Variants in KCNIP1 observed in about 807,000 individuals in gnomAD.
KCNIP1 encodes the protein A-type potassium channel modulatory protein KCNIP1.
KCNIP1 carries 18 observed loss-of-function variants against 33.0 expected under a neutral mutation model. The observed-to-expected ratio is 0.55, with a 90% CI of 0.38 to 0.81. The LOEUF (loss-of-function observed/expected upper bound fraction) is 0.81, where lower values mean the gene tolerates loss of function less well. KCNIP1 is among the 30% of genes least tolerant of loss of function. The pLI, the probability that KCNIP1 is intolerant of heterozygous loss-of-function variation, is 0.00. For missense variants in KCNIP1, 238 were observed against 271.6 expected (o/e 0.88, Z 0.87); for synonymous variants, 93 against 98.3 (o/e 0.95, Z 0.32).
At chr5:170,472,241 A>C (rs1445313586) in intron 1 of KCNIP1, among the ~76,000 whole-genome samples, 4 of 152,138 alleles carry the variant, frequency 2.6e-5, no homozygotes, top group African/African-American at 9.7e-5. Flanking sequence ...AACCAGACAG[A>C]GCCACTGTGA....
chr5:170,493,928 C>T (rs904038116), intron 1 of KCNIP1, among the ~76,000 whole-genome samples: 4 of 152,242 alleles, frequency 2.6e-5, no homozygotes, highest in African/African-American at 4.8e-5. Context: ...CACCTCATCT[C>T]TCACTGCCTC....
intron 3 of KCNIP1, 56 bp downstream of exon 3, chr5:170,720,446 C>A: frequency 1.5e-6 from 2 of 1,364,466 alleles, no homozygotes; most frequent in Non-Finnish European, 2.1e-6. Context: ...AAGCAGCCTT[C>A]CCTTCCTCCA....
At chr5:170,378,688 G>A (rs369090668) in intron 1 of KCNIP1, 151 of 1,597,658 alleles carry the variant, frequency 9.5e-5, no homozygotes, top group Middle Eastern at 1.7e-4. Flanking sequence ...AAGTGGTATG[G>A]CATGGATGGA....
chr5:170,439,143 G>T (rs927437007), intron 1 of KCNIP1, among the ~76,000 whole-genome samples: 8 of 152,176 alleles, frequency 5.3e-5, no homozygotes, highest in African/African-American at 1.9e-4. Flanking sequence ...GGGGAAGACT[G>T]AACAGCTGGG....
chr5:170,543,851 A>C (rs1478086755), intron 1 of KCNIP1, among the ~76,000 whole-genome samples: 2 of 152,202 alleles, frequency 1.3e-5, no homozygotes, highest in Non-Finnish European at 2.9e-5. Flanking sequence ...AAAGATTTGC[A>C]CTTTTCCTCT....
chr5:170,712,905 T>C, intron 1 of KCNIP1: 1 of 1,607,748 alleles, frequency 6.2e-7, no homozygotes, highest in Non-Finnish European at 8.5e-7. Context: ...CAGTTTAAAC[T>C]AACCTGACTT....
chr5:170,605,827 T>A (rs1758892866), intron 1 of KCNIP1, among the ~76,000 whole-genome samples: 2 of 145,622 alleles, frequency 1.4e-5, no homozygotes, highest in African/African-American at 2.6e-5. Context: ...CAGGCTGAAG[T>A]GCAGTGGCAC....
At chr5:170,380,964 A>G (rs553526388) in intron 1 of KCNIP1, among the ~76,000 whole-genome samples, 4 of 152,226 alleles carry the variant, frequency 2.6e-5, no homozygotes, top group Non-Finnish European at 5.9e-5. Flanking sequence ...AGCACACGAT[A>G]AGAACTCAAA....
chr5:170,664,079 C>A (rs1484158114), intron 1 of KCNIP1, among the ~76,000 whole-genome samples: 1 of 152,144 alleles, frequency 6.6e-6, no homozygotes, highest in Admixed American at 6.5e-5. Context: ...TCAGTGTTAG[C>A]CAGACACTCC....
intron 1 of KCNIP1, among the ~76,000 whole-genome samples, chr5:170,657,411 C>G (rs28362006): frequency 0.055 from 8,345 of 152,232 alleles, 301 homozygotes; most frequent in Non-Finnish European, 0.081. Context: ...GCCCTGCCAC[C>G]CATTCCTTAG....
At chr5:170,664,558 G>A (rs1245252254) in intron 1 of KCNIP1, among the ~76,000 whole-genome samples, 1 of 151,998 alleles carries the variant, frequency 6.6e-6, no homozygotes. Flanking sequence ...CAATCCACCC[G>A]CTTCAGCCTT....
At chr5:170,549,126 A>G (rs1756514510) in intron 1 of KCNIP1, among the ~76,000 whole-genome samples, 1 of 151,832 alleles carries the variant, frequency 6.6e-6, no homozygotes, top group Non-Finnish European at 1.5e-5. Context: ...AAGAAGCTAT[A>G]TTTACTCTAA....
chr5:170,509,429 C>T (rs1198841679), intron 1 of KCNIP1, among the ~76,000 whole-genome samples: 1 of 152,206 alleles, frequency 6.6e-6, no homozygotes, highest in East Asian at 1.9e-4. Flanking sequence ...ATTGTTTTGA[C>T]TTGGTCTCTG....
chr5:170,563,779 T>C (rs1757116264), intron 1 of KCNIP1, among the ~76,000 whole-genome samples: 1 of 152,196 alleles, frequency 6.6e-6, no homozygotes, highest in South Asian at 2.1e-4. Flanking sequence ...TAGCTTGGAT[T>C]ACAGGCATGT....
chr5:170,373,292 C>T (rs1425973252), intron 1 of KCNIP1, among the ~76,000 whole-genome samples: 2 of 152,172 alleles, frequency 1.3e-5, no homozygotes, highest in Non-Finnish European at 2.9e-5. Flanking sequence ...TCCTCCTGGC[C>T]CCCAGTGGGA....
At chr5:170,654,041 C>T (rs577902028) in intron 1 of KCNIP1, among the ~76,000 whole-genome samples, 1 of 152,280 alleles carries the variant, frequency 6.6e-6, no homozygotes, top group South Asian at 2.1e-4. Flanking sequence ...GCTTTCCAAC[C>T]TCTGCACCAG....
chr5:170,632,719 T>G (rs180797775), intron 1 of KCNIP1, among the ~76,000 whole-genome samples: 2 of 152,352 alleles, frequency 1.3e-5, no homozygotes, highest in East Asian at 1.9e-4. Flanking sequence ...GGACATTTAA[T>G]AAGTGGAAGA....
At chr5:170,559,662 G>A (rs1380640512) in intron 1 of KCNIP1, among the ~76,000 whole-genome samples, 1 of 152,146 alleles carries the variant, frequency 6.6e-6, no homozygotes, top group Non-Finnish European at 1.5e-5. Context: ...TCTAGGCTGG[G>A]TTCCTTGAAA....
intron 1 of KCNIP1, among the ~76,000 whole-genome samples, chr5:170,605,749 G>T (rs1051401471): frequency 2.6e-5 from 4 of 151,302 alleles, no homozygotes; most frequent in Non-Finnish European, 5.9e-5. Context: ...TTGTAGCATG[G>T]GTCAGTACTT....
Sources: allele counts gnomAD v4.1 joint callset (sites outside exome capture counted in the v4.1 genomes callset), GRCh38; gene constraint gnomAD v4.1.1; transcripts MANE v1.5; gene names NCBI Gene and HGNC (gene_info 2026-07-23, HGNC 2026-07-21).